The following C1QTNF2 variants were observed in gnomAD, a reference collection of about 807,000 sequenced individuals.
C1QTNF2 encodes the protein complement C1q tumor necrosis factor-related protein 2.
In C1QTNF2, 15 loss-of-function variants were observed where a neutral mutation model predicts 17.4. The observed-to-expected ratio is 0.86, with a 90% CI of 0.58 to 1.33. C1QTNF2 has a LOEUF of 1.33. Ranked by LOEUF, C1QTNF2 falls within the 40% of genes most tolerant of loss-of-function variation. The probability of loss-of-function intolerance (pLI) is 0.00; values close to 1 mark genes in which losing one functional copy is unlikely to be tolerated. For missense variants in C1QTNF2, 381 were observed against 392.3 expected (o/e 0.97, Z 0.24); for synonymous variants, 154 against 163.3 (o/e 0.94, Z 0.44).
intron 2 of C1QTNF2, among the ~76,000 whole-genome samples, chr5:160,354,162 T>C (rs955312141): frequency 6.6e-6 from 1 of 152,154 alleles, no homozygotes; most frequent in Admixed American, 6.5e-5. Flanking sequence ...TGAGTTTCTG[T>C]CACTTGCAAT....
chr5:160,357,679 G>A (rs1280606461), intron 1 of C1QTNF2, among the ~76,000 whole-genome samples: 1 of 152,218 alleles, frequency 6.6e-6, no homozygotes, highest in African/African-American at 2.4e-5. Flanking sequence ...AGGGAGAGAA[G>A]GAGGGAGTAA....
At chr5:160,351,693 TGAG>T (rs886348591) in intron 2 of C1QTNF2, among the ~76,000 whole-genome samples, 5 of 152,000 alleles carry the variant, frequency 3.3e-5, no homozygotes, top group African/African-American at 9.7e-5. Flanking sequence ...GAGGGAAGGA[TGAG>T]AAGGGGTAGT....
chr5:160,350,035 C>T (rs1177995148), intron 2 of C1QTNF2, among the ~76,000 whole-genome samples: 1 of 152,298 alleles, frequency 6.6e-6, no homozygotes, highest in East Asian at 1.9e-4. Context: ...ACACCCTTTC[C>T]TTTTCCTGCC....
At chr5:160,355,550 G>C (rs1029686494) in intron 1 of C1QTNF2, among the ~76,000 whole-genome samples, 2 of 152,208 alleles carry the variant, frequency 1.3e-5, no homozygotes, top group Non-Finnish European at 2.9e-5. Flanking sequence ...CTGGCAGGCC[G>C]TGGTAGCAGC....
At chr5:160,358,477 T>G (rs1212013767) in intron 1 of C1QTNF2, among the ~76,000 whole-genome samples, 1 of 146,850 alleles carries the variant, frequency 6.8e-6, no homozygotes, top group African/African-American at 2.5e-5. Context: ...TTTTTTTTTT[T>G]CTTTTTAGGG....
Position 160,360,856 on chromosome 5 carries a change from G to A in C1QTNF2, c.-9-5836C>T, listed in dbSNP as rs146063583. Among the ~76,000 whole-genome samples the A allele has an allele frequency of 9.8e-3, 1,478 of 150,170 alleles. 27 individuals carry two copies. Among genetic ancestry groups the A allele is most frequent in the African/African-American group, 0.034 (1,403 of 40,668 alleles). Reference sequence around the variant, plus strand: ...TGCTGCCAGGCTGGAGTGCAGTGGCGCAATCTCAGCTCACTGCAACCTCCA... The same window carrying A: ...TGCTGCCAGGCTGGAGTGCAGTGGCACAATCTCAGCTCACTGCAACCTCCA... On this transcript the variant is annotated intron_variant, in intron 1 of 2. Coordinates refer to ENST00000652664, the MANE Select transcript of C1QTNF2 (RefSeq NM_031908.6).
At chr5:160,362,165 G>T (rs187927345) in intron 1 of C1QTNF2, among the ~76,000 whole-genome samples, 1 of 152,190 alleles carries the variant, frequency 6.6e-6, no homozygotes, top group Non-Finnish European at 1.5e-5. Context: ...TATATAGACC[G>T]ATAAGACCCT....
rs6871482 is a variant in C1QTNF2 at position 160,363,297 on chromosome 5, C to T, written c.-10+7215G>A. On this transcript the variant is annotated intron_variant, in intron 1 of 2. Transcript: ENST00000652664. ...CTTTGGAGGAAAAAGCGGCTGGCTG[C>T]CGCTCCTCACAGTACTCACGAAATG... Among the ~76,000 whole-genome samples, 1,484 of 152,336 alleles carry T rather than the reference C, an allele frequency of 9.7e-3. 28 individuals are homozygous for T. The highest frequency in any genetic ancestry group is 0.033 in the African/African-American group (1,373 of 41,582).
At chr5:160,356,098 G>A (rs1228341244) in intron 1 of C1QTNF2, among the ~76,000 whole-genome samples, 1 of 152,194 alleles carries the variant, frequency 6.6e-6, no homozygotes, top group African/African-American at 2.4e-5. Context: ...CCCTCACTAT[G>A]CATACGCAGA....
intron 1 of C1QTNF2, among the ~76,000 whole-genome samples, chr5:160,358,329 C>T (rs1764089253): frequency 6.6e-6 from 1 of 152,220 alleles, no homozygotes; most frequent in African/African-American, 2.4e-5. Context: ...TAGCCCTGCT[C>T]CCAGCTTGTG....
At chr5:160,364,977 G>T (rs1764220430) in intron 1 of C1QTNF2, among the ~76,000 whole-genome samples, 1 of 152,164 alleles carries the variant, frequency 6.6e-6, no homozygotes, top group Admixed American at 6.5e-5. Flanking sequence ...CTGCCTTTGA[G>T]GCCAGACACT....
rs200728172 is a variant in C1QTNF2 at position 160,354,795 on chromosome 5, C to A, written c.217G>T (p.Gly73Cys). 1 of 1,613,670 alleles carries A rather than the reference C, an allele frequency of 6.2e-7. No homozygotes were observed. Among genetic ancestry groups the A allele is most frequent in the East Asian group, 2.2e-5 (1 of 44,858 alleles). ...PGKDGQDGHD[G>C]DRGDSGEEGP... The stretch of plus-strand genomic sequence containing the variant: ...TCCTCTCCGCTGTCCCCCCGGTCGC[C>A]GTCGTGTCCATCTTGGCCGTCTTTG... The change falls in exon 2 of 3, where the codon GGC becomes TGC. Residue 73 changes from glycine to cysteine, a missense_variant. Coordinates refer to ENST00000652664, the MANE Select transcript of C1QTNF2 (RefSeq NM_031908.6).
intron 1 of C1QTNF2, among the ~76,000 whole-genome samples, chr5:160,362,867 A>G (rs1764179467): frequency 6.6e-6 from 1 of 152,212 alleles, no homozygotes; most frequent in Non-Finnish European, 1.5e-5. Context: ...AGATATTAAC[A>G]TTTGCCCAGT....
chr5:160,358,765 T>C (rs1479073190), intron 1 of C1QTNF2, among the ~76,000 whole-genome samples: 2 of 151,970 alleles, frequency 1.3e-5, no homozygotes, highest in Non-Finnish European at 2.9e-5. Context: ...CCTACAATGT[T>C]CCAGGCACTG....
chr5:160,354,597 A>ATATATATATATAT (rs769774870), intron 2 of C1QTNF2, among the ~76,000 whole-genome samples, 171 bp downstream of exon 2: 51 of 89,254 alleles, frequency 5.7e-4, no homozygotes, highest in African/African-American at 2.0e-3. Flanking sequence ...AAAAAAAAAA[A>ATATATATATATAT]GTATATATAT....
intron 2 of C1QTNF2, among the ~76,000 whole-genome samples, chr5:160,352,633 T>C (rs1255599336): frequency 2.6e-5 from 4 of 152,146 alleles, no homozygotes; most frequent in Admixed American, 2.6e-4. Flanking sequence ...CATAGGCAAA[T>C]CTCAGGGAAA....
intron 1 of C1QTNF2, among the ~76,000 whole-genome samples, chr5:160,364,408 T>G (rs1764211114): frequency 6.6e-6 from 1 of 152,232 alleles, no homozygotes; most frequent in Admixed American, 6.5e-5. Flanking sequence ...TTACGAGGAT[T>G]TAATGTTTCT....
intron 2 of C1QTNF2, among the ~76,000 whole-genome samples, chr5:160,354,076 T>C (rs1352839248): frequency 1.3e-5 from 2 of 152,050 alleles, no homozygotes; most frequent in African/African-American, 4.8e-5. Context: ...AGTGCTGAGA[T>C]TACAGGTGTG....
At chr5:160,354,595 A>ATATATATATATAT (rs1393405391) in intron 2 of C1QTNF2, among the ~76,000 whole-genome samples, 173 bp downstream of exon 2, 8 of 32,738 alleles carry the variant, frequency 2.4e-4, no homozygotes, top group East Asian at 2.6e-3. Flanking sequence ...AAAAAAAAAA[A>ATATATATATATAT]AAGTATATAT....
Sources: gnomAD v4.1 joint callset for allele counts (sites outside exome capture counted in the v4.1 genomes callset) on GRCh38, gnomAD v4.1.1 for gene constraint, MANE v1.5 for transcripts, NCBI Gene and HGNC (gene_info 2026-07-23, HGNC 2026-07-21) for gene names.